Variants in ANKS1A observed in about 807,000 individuals in gnomAD.
ANKS1A encodes ankyrin repeat and SAM domain-containing protein 1A.
A neutral mutation model predicts 120.3 loss-of-function variants in ANKS1A; 55 were observed. The observed-to-expected ratio is 0.46, with a 90% CI of 0.37 to 0.57. ANKS1A has a LOEUF of 0.57. Among genes scored for constraint, ANKS1A ranks in the 20% least tolerant of loss-of-function variants. The pLI is 0.00. For synonymous variants in ANKS1A, 590 were observed against 604.7 expected, an observed-to-expected ratio of 0.98 and a Z score of 0.36; for missense variants, 1,123 against 1,480.3, an observed-to-expected ratio of 0.76 and a Z score of 3.96.
rs185181591 is a variant in ANKS1A at position 35,086,191 on chromosome 6, G to T, written c.3303+255G>T. On this transcript the variant is annotated intron_variant, in intron 22 of 23. Coordinates refer to ENST00000360359, the MANE Select transcript of ANKS1A (RefSeq NM_015245.3). This position sits in a 1 kb window ranked among gnomAD's most constrained non-coding sequence, Gnocchi z 5.1. ...CCCCCAAGGGCAAGGCCGTCAAGGG[G>T]CTGCAGAGAGCGGCCTGCAGGCAGC... The T allele has an allele frequency of 4.0e-4, 520 of 1,300,972 alleles. 1 individual carries two copies. In the Middle Eastern group the frequency reaches 4.6e-3, roughly 11 times the overall value. 80.6% of individuals were successfully genotyped at this position (1,300,972 alleles called of 1,614,324 possible).
intron 1 of ANKS1A, among the ~76,000 whole-genome samples, chr6:34,922,602 C>T (rs563155267): frequency 6.6e-6 from 1 of 151,928 alleles, no homozygotes; most frequent in Non-Finnish European, 1.5e-5. Flanking sequence ...TCCTGACAGA[C>T]GATGAGATAG....
At chr6:34,968,680 C>T (rs1771018604) in intron 2 of ANKS1A, among the ~76,000 whole-genome samples, 1 of 152,158 alleles carries the variant, frequency 6.6e-6, no homozygotes, top group Non-Finnish European at 1.5e-5. Flanking sequence ...TCAGGTGATC[C>T]ACCTGCCTCA....
intron 1 of ANKS1A, among the ~76,000 whole-genome samples, chr6:34,956,701 G>A (rs1770383436): frequency 6.6e-6 from 1 of 152,090 alleles, no homozygotes; most frequent in Non-Finnish European, 1.5e-5. Context: ...TGGATTAGGG[G>A]GTGCTGGGAT....
chr6:35,013,264 AT>A (rs1241575822), intron 10 of ANKS1A, among the ~76,000 whole-genome samples: 3 of 152,044 alleles, frequency 2.0e-5, no homozygotes, highest in Non-Finnish European at 4.4e-5. Context: ...TAAAGCATCT[AT>A]TGAGGCAGAC....
At chr6:35,071,387 C>T (rs1777079116) in intron 13 of ANKS1A, among the ~76,000 whole-genome samples, 3 of 152,182 alleles carry the variant, frequency 2.0e-5, no homozygotes, top group Admixed American at 1.3e-4. Flanking sequence ...GTCTGTCATG[C>T]GATGCCATAC....
intron 13 of ANKS1A, among the ~76,000 whole-genome samples, chr6:35,061,710 TTTTTTC>T (rs1212070164): frequency 6.6e-6 from 1 of 152,246 alleles, no homozygotes; most frequent in Non-Finnish European, 1.5e-5. Flanking sequence ...AATAGCAATT[TTTTTTC>T]TTTTTAAAAG....
the ANKS1A span, among the ~76,000 whole-genome samples, chr6:35,097,330 G>A: frequency 6.6e-6 from 1 of 152,022 alleles, no homozygotes; most frequent in Non-Finnish European, 1.5e-5. Context: ...CCAACATGGT[G>A]AAACCCTATC....
chr6:35,057,555 G>A lies in ANKS1A; in HGVS notation c.2078-2592G>A, dbSNP rs1465198588. Among the ~76,000 whole-genome samples, 1 of 152,192 alleles carries A rather than the reference G, an allele frequency of 6.6e-6. No homozygotes were observed. Among genetic ancestry groups the A allele is most frequent in the Admixed American group, 6.5e-5 (1 of 15,286 alleles). On this transcript the variant is annotated intron_variant, in intron 12 of 23. Coordinates refer to ENST00000360359, the MANE Select transcript of ANKS1A (RefSeq NM_015245.3). This position sits in a 1 kb window ranked among gnomAD's most constrained non-coding sequence, Gnocchi z 4.1. ...GCATATTTAGAAGCCCTGGACTTCTGTCCCTGTACCTGTTTTATCTTTTTG... is the reference window on the plus strand; with the variant it reads ...GCATATTTAGAAGCCCTGGACTTCTATCCCTGTACCTGTTTTATCTTTTTG...
At chr6:34,947,784 G>A (rs950237853) in intron 1 of ANKS1A, among the ~76,000 whole-genome samples, 1 of 152,114 alleles carries the variant, frequency 6.6e-6, no homozygotes, top group Admixed American at 6.6e-5. Context: ...CTTTTAGCCA[G>A]GTGTTTTTCT....
At position 35,078,598 on chromosome 6, in the gene ANKS1A, G is replaced by C; in HGVS notation, c.2225G>C (p.Gly742Ala). The change falls in exon 14 of 24, where the codon GGC becomes GCC. Residue 742 changes from glycine to alanine, a missense_variant. Physicochemically the swap from Gly to Ala is moderately conservative, Grantham distance 60 (BLOSUM62 0). This residue lies in a region of ANKS1A where 904 missense variants were observed against 1,130.4 expected (regional missense o/e 0.80). Coordinates refer to ENST00000360359, the MANE Select transcript of ANKS1A (RefSeq NM_015245.3). ...VMEEQDLRDI[G>A]ISDPQHRRKL... ...GAAGAGCAGGACCTGCGGGACATCGGCATCAGCGACCCACAGCACCGGCGG... is the reference window on the plus strand; with the variant it reads ...GAAGAGCAGGACCTGCGGGACATCGCCATCAGCGACCCACAGCACCGGCGG... 1 of 1,608,646 alleles carries C rather than the reference G, an allele frequency of 6.2e-7. No individual in the cohort carries two copies. The highest frequency in any genetic ancestry group is 8.5e-7 in the Non-Finnish European group (1 of 1,179,938).
chr6:34,967,522 C>CAAA (rs10559753), intron 2 of ANKS1A, among the ~76,000 whole-genome samples: 1 of 96,722 alleles, frequency 1.0e-5, no homozygotes, highest in East Asian at 2.7e-4. Flanking sequence ...TCCATCTCCA[C>CAAA]AAAAAAAAAA....
intron 3 of ANKS1A, among the ~76,000 whole-genome samples, chr6:34,973,163 A>G (rs9394262): frequency 0.088 from 13,412 of 152,222 alleles, 760 homozygotes; most frequent in East Asian, 0.34. Context: ...ATTCCTTTAA[A>G]AGCTGTTGCA....
rs973370302 is a variant in ANKS1A at position 35,082,962 on chromosome 6, A to G, written c.2835+146A>G. On this transcript the variant is annotated intron_variant, in intron 18 of 23. Transcript: ENST00000360359. The surrounding 1 kb of genome is among the most constrained non-coding windows in gnomAD (Gnocchi z 4.1). ...CACTCTCAGCCACTCTTGACAGCTA[A>G]GGCGAAGGGGTGGAGGCCTCTGGAT... is the stretch of plus-strand genomic sequence containing the variant. 7 of 1,402,556 alleles carry G rather than the reference A, an allele frequency of 5.0e-6. No homozygotes were observed. Among genetic ancestry groups the G allele is most frequent in the Non-Finnish European group, 6.7e-6 (7 of 1,045,756 alleles). 86.9% of individuals were successfully genotyped at this position (1,402,556 alleles called of 1,614,324 possible). A position where few individuals can be genotyped will look rare whatever the true frequency, so the allele number is the denominator to read the frequency against.
intron 11 of ANKS1A, among the ~76,000 whole-genome samples, chr6:35,047,102 C>T (rs771576023): frequency 2.0e-5 from 3 of 152,170 alleles, no homozygotes; most frequent in Admixed American, 6.5e-5. Context: ...CTTCCTGTTT[C>T]GCAAGTTCAG....
intron 11 of ANKS1A, among the ~76,000 whole-genome samples, chr6:35,031,483 G>A (rs535197391): frequency 2.0e-5 from 3 of 152,276 alleles, no homozygotes; most frequent in African/African-American, 7.2e-5. Context: ...CCCTGAGCCA[G>A]GCCTTGTAAA....
intron 11 of ANKS1A, among the ~76,000 whole-genome samples, chr6:35,028,819 T>C (rs950468192): frequency 6.6e-6 from 1 of 152,250 alleles, no homozygotes; most frequent in Non-Finnish European, 1.5e-5. Context: ...TATCATTTAT[T>C]TTTGTTTCTT....
intron 1 of ANKS1A, among the ~76,000 whole-genome samples, chr6:34,923,295 A>G (rs1218901834): frequency 6.6e-6 from 1 of 152,186 alleles, no homozygotes; most frequent in Non-Finnish European, 1.5e-5. Flanking sequence ...TAGAATACTG[A>G]CTTTAAAAGT....
At chr6:34,998,604 C>G (rs1435644564) in intron 10 of ANKS1A, among the ~76,000 whole-genome samples, 1 of 152,154 alleles carries the variant, frequency 6.6e-6, no homozygotes, top group Non-Finnish European at 1.5e-5. Context: ...CTATTTCACT[C>G]TGACCACCGT....
chr6:34,892,028 C>T (rs1383725469), intron 1 of ANKS1A, among the ~76,000 whole-genome samples: 1 of 152,204 alleles, frequency 6.6e-6, no homozygotes, highest in African/African-American at 2.4e-5. Flanking sequence ...ACTAGGAAAC[C>T]TGTTGAGCAC....
Sources: gnomAD v4.1 joint callset for allele counts (sites outside exome capture counted in the v4.1 genomes callset) on GRCh38, gnomAD v4.1.1 for gene constraint, gnomAD v4.1.1 regional missense constraint, Gnocchi (gnomAD v3.1) non-coding constraint, MANE v1.5 for transcripts, NCBI Gene and HGNC (gene_info 2026-07-23, HGNC 2026-07-21) for gene names.